NTRK2: variants seen among roughly 807,000 people sequenced by gnomAD.
NTRK2 encodes neurotrophic receptor tyrosine kinase 2, also known as BDNF/NT-3 growth factors receptor.
In NTRK2, 13 loss-of-function variants were observed where a neutral mutation model predicts 94.5. The ratio of observed to expected loss-of-function variants is 0.14; its 90% confidence interval spans 0.09 to 0.22. The LOEUF is 0.22. Ranked by LOEUF, NTRK2 falls within the 10% of genes least tolerant of loss-of-function variation. The pLI, the probability that NTRK2 is intolerant of heterozygous loss-of-function variation, is 1.00. For missense variants in NTRK2, 639 were observed against 1,071.2 expected (o/e 0.60, Z 5.63); for synonymous variants, 372 against 407.4 (o/e 0.91, Z 1.05).
chr9:84,865,652 A>G (rs905292659), intron 13 of NTRK2, among the ~76,000 whole-genome samples: 3 of 152,348 alleles, frequency 2.0e-5, no homozygotes, highest in African/African-American at 7.2e-5. Flanking sequence ...AAGAAAGCAC[A>G]TTTCCTTGCG....
chr9:84,971,992 A>AG (rs1826242107), intron 17 of NTRK2, among the ~76,000 whole-genome samples: 1 of 152,186 alleles, frequency 6.6e-6, no homozygotes, highest in Non-Finnish European at 1.5e-5. Flanking sequence ...CCAAGGATTC[A>AG]GCTGGGTGCA....
intron 2 of NTRK2, among the ~76,000 whole-genome samples, chr9:84,672,912 AT>A (rs1181110413): frequency 1.3e-5 from 2 of 152,198 alleles, no homozygotes; most frequent in East Asian, 3.8e-4. Flanking sequence ...GATTTTAAAA[AT>A]ATTTACAAAA....
intron 10 of NTRK2, 129 bp downstream of exon 10, chr9:84,742,056 A>G (rs2063691227): frequency 1.1e-5 from 9 of 796,218 alleles, no homozygotes; most frequent in South Asian, 9.6e-5. Flanking sequence ...AGGCCAAAAT[A>G]GTATTTCAAA....
intron 14 of NTRK2, among the ~76,000 whole-genome samples, chr9:84,906,177 T>C (rs1285536403): frequency 6.6e-6 from 1 of 151,942 alleles, no homozygotes; most frequent in Non-Finnish European, 1.5e-5. Flanking sequence ...TGAGGGAATG[T>C]GTAAAGAGGA....
intron 17 of NTRK2, among the ~76,000 whole-genome samples, chr9:84,994,559 T>C (rs1829499418): frequency 6.6e-6 from 1 of 152,158 alleles, no homozygotes; most frequent in Non-Finnish European, 1.5e-5. Flanking sequence ...CAGAAGACAC[T>C]CTTTATTGTT....
At chr9:84,994,161 A>C (rs1400378497) in intron 17 of NTRK2, among the ~76,000 whole-genome samples, 1 of 152,084 alleles carries the variant, frequency 6.6e-6, no homozygotes, top group Non-Finnish European at 1.5e-5. Context: ...CCTGTTAAGT[A>C]TTTTGAATAT....
At chr9:84,997,129 T>C (rs924755654) in intron 17 of NTRK2, among the ~76,000 whole-genome samples, 3 of 152,102 alleles carry the variant, frequency 2.0e-5, no homozygotes, top group Admixed American at 1.3e-4. Context: ...AGCTCCTGAG[T>C]TGCTGTTGAT....
At chr9:84,822,052 C>T (rs2072882344) in intron 12 of NTRK2, among the ~76,000 whole-genome samples, 1 of 152,104 alleles carries the variant, frequency 6.6e-6, no homozygotes, top group Admixed American at 6.6e-5. Flanking sequence ...CAGCAGTCCT[C>T]TAAGGGATGA....
chr9:84,917,323 A>G (rs2077423512), intron 14 of NTRK2, among the ~76,000 whole-genome samples: 2 of 152,090 alleles, frequency 1.3e-5, no homozygotes, highest in Non-Finnish European at 2.9e-5. Context: ...CTTGGTTTTG[A>G]TGATCGTTTC....
chr9:84,857,619 G>C (rs377094274), intron 12 of NTRK2, among the ~76,000 whole-genome samples: 1 of 152,206 alleles, frequency 6.6e-6, no homozygotes, highest in South Asian at 2.1e-4. Flanking sequence ...GGAAGTGTGC[G>C]GTATGATCAA....
chr9:84,702,047 A>G, intron 2 of NTRK2, 112 bp from the exon 3 acceptor site: 1 of 892,044 alleles, frequency 1.1e-6, no homozygotes, highest in Non-Finnish European at 1.8e-6. Context: ...GGCAAGGCTC[A>G]GAGTGGTGTG....
At chr9:84,769,149 A>C (rs1373159374) in intron 12 of NTRK2, among the ~76,000 whole-genome samples, 1 of 152,172 alleles carries the variant, frequency 6.6e-6, no homozygotes, top group African/African-American at 2.4e-5. Context: ...AGTCTTCCAG[A>C]TGTGTTGACG....
chr9:84,845,352 A>G lies in NTRK2; in HGVS notation c.1397-15688A>G, dbSNP rs558227992. On this transcript the variant is annotated intron_variant, in intron 12 of 18. Coordinates refer to ENST00000277120, the MANE Select transcript of NTRK2 (RefSeq NM_006180.6). ...TGGCTTCTATTTGTTTCTGCCCATTACAGAAAGGAAAGTCTTCTCAAAAAT... is the reference window on the plus strand; with the variant it reads ...TGGCTTCTATTTGTTTCTGCCCATTGCAGAAAGGAAAGTCTTCTCAAAAAT... 3.3e-5 allele frequency among the ~76,000 whole-genome samples: 5 copies of G among 152,158 alleles called. No individual in the cohort carries two copies. The South Asian group carries it at 6.2e-4, about 19-fold the overall frequency.
chr9:84,854,113 GAAAC>G (rs1313115019), intron 12 of NTRK2, among the ~76,000 whole-genome samples: 4 of 149,234 alleles, frequency 2.7e-5, no homozygotes, highest in East Asian at 2.0e-4. Context: ...AAAAAAAAAA[GAAAC>G]AAACAAAAAA....
chr9:84,811,953 C>T (rs1377776992), intron 12 of NTRK2: 5 of 952,220 alleles, frequency 5.3e-6, no homozygotes, highest in Admixed American at 9.2e-5. Flanking sequence ...AGGAGGACTT[C>T]AGAGCCAGGC....
At position 84,920,992 on chromosome 9, in the gene NTRK2, A is replaced by G. The variant is rs116094316; in HGVS notation, c.1634-13170A>G. On this transcript the variant is annotated intron_variant, in intron 14 of 18. Transcript: ENST00000277120. Reference sequence around the variant, plus strand: ...ATACTTTAGACCATGCCAATCCCAGATGTAAATGGTTCATACTAACATATA... The same window carrying G: ...ATACTTTAGACCATGCCAATCCCAGGTGTAAATGGTTCATACTAACATATA... Among the ~76,000 whole-genome samples, 812 of 152,304 alleles carry G rather than the reference A, an allele frequency of 5.3e-3. 8 individuals are homozygous for G. Among genetic ancestry groups the G allele is most frequent in the African/African-American group, 0.018 (753 of 41,548 alleles).
intron 12 of NTRK2, among the ~76,000 whole-genome samples, chr9:84,851,495 A>G (rs2074767346): frequency 6.6e-6 from 1 of 152,222 alleles, no homozygotes; most frequent in Non-Finnish European, 1.5e-5. Context: ...GTTATGTTCT[A>G]TTCCATTATG....
intron 17 of NTRK2, among the ~76,000 whole-genome samples, chr9:85,001,643 A>G (rs1830351301): frequency 6.6e-6 from 1 of 152,230 alleles, no homozygotes; most frequent in African/African-American, 2.4e-5. Flanking sequence ...CTTCTGGAAC[A>G]TTCTATCAAA....
At chr9:84,921,195 G>C (rs999439663) in intron 14 of NTRK2, among the ~76,000 whole-genome samples, 2 of 152,180 alleles carry the variant, frequency 1.3e-5, no homozygotes, top group African/African-American at 4.8e-5. Flanking sequence ...CCAATGGGTG[G>C]AGTAATTCTC....
Sources: gnomAD v4.1 joint callset for allele counts (sites outside exome capture counted in the v4.1 genomes callset) on GRCh38, gnomAD v4.1.1 for gene constraint, MANE v1.5 for transcripts, NCBI Gene and HGNC (gene_info 2026-07-23, HGNC 2026-07-21) for gene names.